DYNC1I1: variants seen among roughly 807,000 people sequenced by gnomAD.
DYNC1I1 encodes the protein cytoplasmic dynein 1 intermediate chain 1.
DYNC1I1 carries 43 observed loss-of-function variants against 86.6 expected under a neutral mutation model. The observed-to-expected ratio is 0.50, with a 90% CI of 0.39 to 0.64. The LOEUF is 0.64. Among genes scored for constraint, DYNC1I1 ranks in the 30% least tolerant of loss-of-function variants. The pLI is 0.00. For synonymous variants in DYNC1I1, 262 were observed against 283.7 expected, an observed-to-expected ratio of 0.92 and a Z score of 0.77; for missense variants, 604 against 788.8, an observed-to-expected ratio of 0.77 and a Z score of 2.81.
Position 95,841,284 on chromosome 7 carries a change from T to C in DYNC1I1, c.374+13168T>C, listed in dbSNP as rs993569714. On this transcript the variant is annotated intron_variant, in intron 5 of 16. Coordinates refer to ENST00000447467, the MANE Select transcript of DYNC1I1 (RefSeq NM_001135556.2). ...CCTGGGAAGTATCCTCACATTCATT[T>C]AAACTCCCAGTGACTAGTGACTGCC... is the stretch of plus-strand genomic sequence containing the variant. 2.0e-5 allele frequency among the ~76,000 whole-genome samples: 3 copies of C among 152,198 alleles called. No individual in the cohort carries two copies. The South Asian group carries it at 6.2e-4, about 32-fold the overall frequency.
intron 10 of DYNC1I1, 132 bp from the exon 11 acceptor site, chr7:96,028,043 T>C (rs1200096642): frequency 1.5e-5 from 20 of 1,313,438 alleles, no homozygotes; most frequent in Non-Finnish European, 2.0e-5. Context: ...ACTTTTACAG[T>C]CCCAGCTTTA....
At chr7:96,045,261 A>C (rs1466135459) in intron 14 of DYNC1I1, among the ~76,000 whole-genome samples, 1 of 152,244 alleles carries the variant, frequency 6.6e-6, no homozygotes. Flanking sequence ...AGTATTTCAC[A>C]ACTGAAATCA....
At chr7:96,054,233 G>A (rs28600224) in intron 14 of DYNC1I1, among the ~76,000 whole-genome samples, 38,458 of 151,990 alleles carry the variant, frequency 0.25, 5,256 homozygotes, top group African/African-American at 0.35. Context: ...GAGAACATGC[G>A]GTGTTCGGTT....
At chr7:95,976,132 G>C (rs1793297761) in intron 6 of DYNC1I1, among the ~76,000 whole-genome samples, 1 of 152,100 alleles carries the variant, frequency 6.6e-6, no homozygotes, top group African/African-American at 2.4e-5. Context: ...TGTGACCTCA[G>C]GTTTGTGTGA....
chr7:95,908,969 G>C (rs1003249436), intron 6 of DYNC1I1, among the ~76,000 whole-genome samples: 6 of 151,822 alleles, frequency 4.0e-5, no homozygotes, highest in Admixed American at 3.3e-4. Flanking sequence ...GGACGGCAGT[G>C]GGGGGAAATT....
At chr7:95,931,908 T>G (rs1024374181) in intron 6 of DYNC1I1, among the ~76,000 whole-genome samples, 2 of 152,232 alleles carry the variant, frequency 1.3e-5, no homozygotes, top group Admixed American at 6.5e-5. Context: ...GACTTGTCAG[T>G]CTAACTTGCT....
chr7:95,961,962 T>G (rs576515494), intron 6 of DYNC1I1, among the ~76,000 whole-genome samples: 1 of 152,196 alleles, frequency 6.6e-6, no homozygotes, highest in Non-Finnish European at 1.5e-5. Context: ...CTCTCCTGAC[T>G]TCACACCCTC....
intron 6 of DYNC1I1, among the ~76,000 whole-genome samples, chr7:95,884,462 G>A (rs1200108719): frequency 1.3e-5 from 2 of 151,818 alleles, no homozygotes; most frequent in Non-Finnish European, 2.9e-5. Context: ...GAGTCCAGTG[G>A]CATGATCATA....
intron 3 of DYNC1I1, 110 bp downstream of exon 3, chr7:95,810,616 T>G: frequency 3.3e-6 from 3 of 917,986 alleles, no homozygotes; most frequent in Non-Finnish European, 4.6e-6. Flanking sequence ...AATTTTTATT[T>G]TTAAAGACAT....
chr7:96,024,785 A>AT (rs1794637171), intron 10 of DYNC1I1, among the ~76,000 whole-genome samples: 1 of 152,158 alleles, frequency 6.6e-6, no homozygotes, highest in African/African-American at 2.4e-5. Context: ...TTTTTCTGAA[A>AT]TGTTTTTTAC....
intron 6 of DYNC1I1, among the ~76,000 whole-genome samples, chr7:95,960,568 T>A (rs903152771): frequency 6.6e-6 from 1 of 152,228 alleles, no homozygotes; most frequent in African/African-American, 2.4e-5. Context: ...GAACACTTAG[T>A]TGACAAACTT....
chr7:96,093,880 T>C (rs1416337680), intron 16 of DYNC1I1, among the ~76,000 whole-genome samples: 1 of 152,240 alleles, frequency 6.6e-6, no homozygotes, highest in Admixed American at 6.5e-5. Flanking sequence ...TTCTAAGCTA[T>C]TATTCTCAGA....
At chr7:96,053,230 G>A (rs1034214981) in intron 14 of DYNC1I1, among the ~76,000 whole-genome samples, 2 of 152,172 alleles carry the variant, frequency 1.3e-5, no homozygotes, top group Non-Finnish European at 2.9e-5. Flanking sequence ...AATAATAATT[G>A]TAGCTGCATT....
intron 6 of DYNC1I1, among the ~76,000 whole-genome samples, chr7:95,939,626 C>CT (rs1192700265): frequency 1.3e-5 from 2 of 150,364 alleles, no homozygotes; most frequent in African/African-American, 4.9e-5. Context: ...CAACCCCTGC[C>CT]TTTTTTTGTT....
chr7:95,992,270 T>C (rs1793749595), intron 9 of DYNC1I1, among the ~76,000 whole-genome samples: 1 of 152,154 alleles, frequency 6.6e-6, no homozygotes, highest in South Asian at 2.1e-4. Flanking sequence ...CTCCATCTAA[T>C]GATAAGTTCC....
chr7:96,089,915 G>T (rs1790791325), intron 16 of DYNC1I1, among the ~76,000 whole-genome samples: 1 of 152,128 alleles, frequency 6.6e-6, no homozygotes, highest in Non-Finnish European at 1.5e-5. Context: ...AAGAAAAGAA[G>T]GGATATGTGT....
chr7:95,872,808 A>G (rs1790206937), intron 6 of DYNC1I1, among the ~76,000 whole-genome samples: 1 of 152,152 alleles, frequency 6.6e-6, no homozygotes, highest in Admixed American at 6.5e-5. Context: ...AAGTAGCAAG[A>G]AAGGAAAACG....
chr7:95,936,862 A>G (rs1792054123), intron 6 of DYNC1I1, among the ~76,000 whole-genome samples: 1 of 151,712 alleles, frequency 6.6e-6, no homozygotes, highest in Non-Finnish European at 1.5e-5. Context: ...AAAAGATTCC[A>G]AAGAGAAGTA....
intron 6 of DYNC1I1, among the ~76,000 whole-genome samples, chr7:95,954,771 C>T (rs991457541): frequency 6.6e-5 from 10 of 151,794 alleles, no homozygotes; most frequent in African/African-American, 1.9e-4. Flanking sequence ...AAATAATTAG[C>T]CAGGCGTGGT....
Sources: gnomAD v4.1 joint callset for allele counts (sites outside exome capture counted in the v4.1 genomes callset) on GRCh38, gnomAD v4.1.1 for gene constraint, MANE v1.5 for transcripts, NCBI Gene and HGNC (gene_info 2026-07-23, HGNC 2026-07-21) for gene names.